Variants in TRAPPC9 observed in about 807,000 individuals in gnomAD.
TRAPPC9 encodes the protein trafficking protein particle complex subunit 9, also known as IKK2 binding protein.
Under a neutral mutation model 124.0 loss-of-function variants are expected in TRAPPC9, and 83 were observed. The ratio of observed to expected loss-of-function variants is 0.67; its 90% CI spans 0.56 to 0.80. The LOEUF (loss-of-function observed/expected upper bound fraction) is 0.80. Among genes scored for constraint, TRAPPC9 ranks in the 30% least tolerant of loss-of-function variants. The pLI, the probability that TRAPPC9 is intolerant of heterozygous loss-of-function variation, is 0.00. For synonymous variants in TRAPPC9, 638 were observed against 617.5 expected (o/e 1.03, Z -0.49); for missense variants, 1,302 against 1,508.3 (o/e 0.86, Z 2.27).
At chr8:140,274,523 C>T (rs753720317) in intron 15 of TRAPPC9, among the ~76,000 whole-genome samples, 25 of 152,238 alleles carry the variant, frequency 1.6e-4, no homozygotes, top group Non-Finnish European at 2.9e-4. Context: ...TTCCTACAGA[C>T]ACAGATTTCT....
chr8:139,859,737 C>T (rs2130972881), intron 21 of TRAPPC9, among the ~76,000 whole-genome samples: 1 of 152,224 alleles, frequency 6.6e-6, no homozygotes, highest in East Asian at 1.9e-4. Context: ...AGAGGCACGT[C>T]TTTGGGAAGA....
intron 17 of TRAPPC9, among the ~76,000 whole-genome samples, chr8:140,109,957 G>A (rs1326073177): frequency 6.6e-6 from 1 of 152,120 alleles, no homozygotes; most frequent in Non-Finnish European, 1.5e-5. Context: ...AACATGCTCT[G>A]TATGCTCCTC....
intron 2 of TRAPPC9, among the ~76,000 whole-genome samples, chr8:140,443,842 G>C (rs2071135758): frequency 6.6e-6 from 1 of 150,700 alleles, no homozygotes; most frequent in East Asian, 2.0e-4. Context: ...TTTGAGACCA[G>C]CCTGGCCAAC....
intron 17 of TRAPPC9, chr8:140,096,149 C>A (rs1358059734): frequency 6.6e-6 from 1 of 152,220 alleles, no homozygotes; most frequent in African/African-American, 2.4e-5. Context: ...AAGGAATGCA[C>A]AAACCAAGCC....
chr8:139,790,028 G>A (rs1260087513), intron 21 of TRAPPC9, among the ~76,000 whole-genome samples: 4 of 152,196 alleles, frequency 2.6e-5, no homozygotes, highest in South Asian at 4.1e-4. Context: ...GGGCCTGGCC[G>A]GGCTGGGGAA....
At chr8:140,036,911 T>C (rs1166145187) in intron 17 of TRAPPC9, among the ~76,000 whole-genome samples, 2 of 152,146 alleles carry the variant, frequency 1.3e-5, no homozygotes, top group East Asian at 1.9e-4. Flanking sequence ...TTTTGTTACA[T>C]AGGTATACAC....
At chr8:139,734,150 G>A (rs1162730649) in intron 21 of TRAPPC9, among the ~76,000 whole-genome samples, 1 of 152,200 alleles carries the variant, frequency 6.6e-6, no homozygotes, top group African/African-American at 2.4e-5. Context: ...CAGGGTCCTG[G>A]GTTCACAGGG....
intron 19 of TRAPPC9, among the ~76,000 whole-genome samples, chr8:139,969,585 C>T (rs1835930140): frequency 6.6e-6 from 1 of 152,216 alleles, no homozygotes; most frequent in Non-Finnish European, 1.5e-5. Flanking sequence ...ACAAGGATCA[C>T]AGAGGTGACA....
intron 21 of TRAPPC9, among the ~76,000 whole-genome samples, chr8:139,792,894 A>T (rs13260415): frequency 6.6e-6 from 1 of 152,152 alleles, no homozygotes; most frequent in Non-Finnish European, 1.5e-5. Context: ...AGAGGAATAC[A>T]GGGTCTCCAC....
chr8:140,149,896 C>T (rs551933163), intron 17 of TRAPPC9, among the ~76,000 whole-genome samples: 32 of 152,238 alleles, frequency 2.1e-4, no homozygotes, highest in African/African-American at 7.0e-4. Context: ...CATGCATGTA[C>T]GTATGTCTAG....
chr8:140,362,339 C>T (rs2067980789), intron 8 of TRAPPC9, among the ~76,000 whole-genome samples: 1 of 152,150 alleles, frequency 6.6e-6, no homozygotes, highest in Non-Finnish European at 1.5e-5. Context: ...TTTCTAGGAT[C>T]TGCTTTAAAT....
intron 14 of TRAPPC9, 145 bp from the exon 15 acceptor site, chr8:140,275,966 A>G (rs1054458595): frequency 1.5e-6 from 1 of 682,352 alleles, no homozygotes; most frequent in Non-Finnish European, 2.5e-6. Flanking sequence ...TATGGAGTTC[A>G]GTATCCAGCT....
At chr8:139,966,664 C>T (rs1835727321) in intron 19 of TRAPPC9, among the ~76,000 whole-genome samples, 1 of 152,200 alleles carries the variant, frequency 6.6e-6, no homozygotes, top group Non-Finnish European at 1.5e-5. Context: ...GTAACAAAAC[C>T]TTCTCAAGAG....
chr8:140,064,812 T>C (rs1007725427), intron 17 of TRAPPC9, among the ~76,000 whole-genome samples: 5 of 152,114 alleles, frequency 3.3e-5, no homozygotes, highest in Admixed American at 1.3e-4. Context: ...AAGGATACAG[T>C]ATTATGGCCT....
chr8:140,120,144 A>C (rs1375715027), intron 17 of TRAPPC9, among the ~76,000 whole-genome samples: 1 of 152,220 alleles, frequency 6.6e-6, no homozygotes, highest in Non-Finnish European at 1.5e-5. Context: ...TGTGACAGAT[A>C]AGAGGTGACA....
Position 140,304,276 on chromosome 8 carries a change from G to A in TRAPPC9, c.1623-3662C>T, listed in dbSNP as rs571026270. ...CGCCCGGCTAATTTTTGTATTTTTCGTAGAGACGGAGTTTCGCCATGTTGG... is the reference window on the plus strand; with the variant it reads ...CGCCCGGCTAATTTTTGTATTTTTCATAGAGACGGAGTTTCGCCATGTTGG... On this transcript the variant is annotated intron_variant, in intron 10 of 22. Coordinates refer to ENST00000438773, the MANE Select transcript of TRAPPC9 (RefSeq NM_001160372.4). Among the ~76,000 whole-genome samples, 264 of 152,068 alleles carry A rather than the reference G, an allele frequency of 1.7e-3. 1 individual carries two copies. The highest frequency in any genetic ancestry group is 3.2e-3 in the Non-Finnish European group (219 of 67,982).
At chr8:139,938,707 G>A (rs1315356869) in intron 19 of TRAPPC9, among the ~76,000 whole-genome samples, 2 of 150,944 alleles carry the variant, frequency 1.3e-5, no homozygotes, top group African/African-American at 4.9e-5. Context: ...CTGCAGTGGC[G>A]CAATCTCGGC....
intron 19 of TRAPPC9, among the ~76,000 whole-genome samples, chr8:139,936,534 G>C (rs1274469598): frequency 6.6e-6 from 1 of 152,230 alleles, no homozygotes; most frequent in Non-Finnish European, 1.5e-5. Context: ...TCTAAAGGTA[G>C]AGCAGAGCCA....
chr8:139,998,929 C>T (rs2614752), intron 18 of TRAPPC9, among the ~76,000 whole-genome samples: 119,504 of 152,120 alleles, frequency 0.79, 47,956 homozygotes, highest in East Asian at 0.93. Context: ...ACTGTGAAAA[C>T]CTAAGAGCAC....
Sources: allele counts gnomAD v4.1 joint callset (sites outside exome capture counted in the v4.1 genomes callset), GRCh38; gene constraint gnomAD v4.1.1; transcripts MANE v1.5; gene names NCBI Gene and HGNC (gene_info 2026-07-23, HGNC 2026-07-21).